PEMT: variants seen among roughly 807,000 people sequenced by gnomAD.
PEMT encodes phosphatidylethanolamine N-methyltransferase.
PEMT carries 23 observed loss-of-function variants against 27.4 expected under a neutral mutation model. The ratio of observed to expected loss-of-function variants is 0.84; its 90% confidence interval spans 0.60 to 1.19. PEMT has a LOEUF of 1.19. Ranked by LOEUF, PEMT falls within the 50% of genes most tolerant of loss-of-function variation. The pLI is 0.00. For missense variants in PEMT, 307 were observed against 310.1 expected (o/e 0.99, Z 0.07); for synonymous variants, 137 against 139.1 (o/e 0.98, Z 0.11).
chr17:17,527,950 C>G (rs1387655390), intron 2 of PEMT, among the ~76,000 whole-genome samples: 1 of 152,246 alleles, frequency 6.6e-6, no homozygotes, highest in Non-Finnish European at 1.5e-5. Flanking sequence ...TAGGTCCCAT[C>G]TGGATTCCAC....
At chr17:17,559,225 G>A (rs1348349752) in intron 2 of PEMT, among the ~76,000 whole-genome samples, 2 of 152,200 alleles carry the variant, frequency 1.3e-5, no homozygotes, top group Non-Finnish European at 2.9e-5. Flanking sequence ...TAGGACTTCA[G>A]AAAAGGGGAC....
chr17:17,509,374 C>CACCA, intron 5 of PEMT, 60 bp downstream of exon 5: 1 of 1,153,536 alleles, frequency 8.7e-7, no homozygotes, highest in Admixed American at 1.9e-5. Context: ...TCCTGAGCTG[C>CACCA]ACCAGCTCCT....
chr17:17,564,144 C>T (rs572120750), intron 2 of PEMT, among the ~76,000 whole-genome samples: 211 of 152,308 alleles, frequency 1.4e-3, no homozygotes, highest in African/African-American at 4.8e-3. Context: ...GAGCCACAGA[C>T]GCCACCGGAA....
chr17:17,546,954 T>C (rs1454804656), intron 2 of PEMT, among the ~76,000 whole-genome samples: 1 of 152,218 alleles, frequency 6.6e-6, no homozygotes, highest in African/African-American at 2.4e-5. Context: ...CACTGGTGAC[T>C]GCAGGATGAA....
intron 6 of PEMT, among the ~76,000 whole-genome samples, 158 bp downstream of exon 6, chr17:17,506,069 T>C (rs1163770712): frequency 6.6e-6 from 1 of 152,098 alleles, no homozygotes. Context: ...GCAGGCCGCA[T>C]TGTAAGCTAC....
intron 2 of PEMT, among the ~76,000 whole-genome samples, chr17:17,541,628 G>T (rs1473615181): frequency 1.3e-5 from 2 of 152,274 alleles, no homozygotes. Flanking sequence ...GCCTAAAGCA[G>T]CGGTGAGCAC....
At chr17:17,510,908 C>T (rs993725466) in intron 4 of PEMT, among the ~76,000 whole-genome samples, 9 of 152,160 alleles carry the variant, frequency 5.9e-5, no homozygotes, top group Non-Finnish European at 1.3e-4. Flanking sequence ...GACCTGATTG[C>T]ACAGCCCGGA....
chr17:17,560,460 T>C (rs1177306344), intron 2 of PEMT, among the ~76,000 whole-genome samples: 1 of 152,068 alleles, frequency 6.6e-6, no homozygotes, highest in African/African-American at 2.4e-5. Context: ...GAGACAGAGG[T>C]ACCTATCCAG....
At position 17,512,915 on chromosome 17, in the gene PEMT, CT is replaced by C. The variant is rs1418683871; in HGVS notation, c.321-262del. The stretch of plus-strand genomic sequence containing the variant: ...AATCCTGACTCGTATGTGAAATATC[CT>C]AATTTTTAGAAATAGACAATTCATG... On this transcript the variant is annotated intron_variant, in intron 3 of 6. Coordinates refer to ENST00000255389, the MANE Select transcript of PEMT (RefSeq NM_148172.3). This position sits in a 1 kb window ranked among gnomAD's most constrained non-coding sequence, Gnocchi z 6.3. Among the ~76,000 whole-genome samples the C allele has an allele frequency of 1.3e-5, 2 of 152,184 alleles. No homozygotes were observed. The highest frequency in any genetic ancestry group is 2.9e-5 in the Non-Finnish European group (2 of 68,040).
At position 17,505,839 on chromosome 17, in the gene PEMT, G is replaced by A. The variant is rs560374658; in HGVS notation, c.663C>T (p.Thr221=). 5.8e-5 allele frequency: 93 copies of A among 1,610,500 alleles called. No homozygotes were observed. The highest frequency in any genetic ancestry group is 1.0e-4 in the Admixed American group (6 of 59,568). Residue 221 remains threonine (T), a synonymous_variant, in exon 7 of 7, where the codon ACC becomes ACT. Transcript: ENST00000255389. The part of the protein sequence containing the change: ...IVALLYEEPF[T]AEIYRQKASG... ...AGGCTTTCTGCCGGTAGATCTCAGC[G>A]GTGAAGGGCCTGCCGGGCAGCGGGG...
rs1597936445 is a variant in PEMT at position 17,561,481 on chromosome 17, G to A, written c.204+15439C>T. 6.6e-6 allele frequency among the ~76,000 whole-genome samples: 1 copy of A among 152,176 alleles called. No homozygotes were observed. The highest frequency in any genetic ancestry group is 6.5e-5 in the Admixed American group (1 of 15,290). On this transcript the variant is annotated intron_variant, in intron 2 of 6. Coordinates refer to ENST00000255389, the MANE Select transcript of PEMT (RefSeq NM_148172.3). The surrounding 1 kb of genome is among the most constrained non-coding windows in gnomAD (Gnocchi z 4.5). ...GAGCAGTTCCACAACAGATGCCCTGGGGTGGCTGCCCGAGGGGGAAGCGGA... is the reference window on the plus strand; with the variant it reads ...GAGCAGTTCCACAACAGATGCCCTGAGGTGGCTGCCCGAGGGGGAAGCGGA...
intron 3 of PEMT, among the ~76,000 whole-genome samples, chr17:17,517,657 C>T (rs1906940862): frequency 6.6e-6 from 1 of 152,258 alleles, no homozygotes; most frequent in Admixed American, 6.5e-5. Context: ...TTTTTGAAAA[C>T]AGACTTCCCT....
At chr17:17,536,971 G>A (rs1212825889) in intron 2 of PEMT, among the ~76,000 whole-genome samples, 1 of 152,234 alleles carries the variant, frequency 6.6e-6, no homozygotes, top group African/African-American at 2.4e-5. Flanking sequence ...CAGGGAGTGC[G>A]GGGTCTCCCT....
chr17:17,546,849 G>A (rs995828124), intron 2 of PEMT, among the ~76,000 whole-genome samples: 3 of 152,262 alleles, frequency 2.0e-5, no homozygotes, highest in Non-Finnish European at 2.9e-5. Flanking sequence ...CTTCACAGCT[G>A]CAGTCAAAGC....
chr17:17,587,359 T>A (rs1031068776), intron 1 of PEMT, among the ~76,000 whole-genome samples: 1 of 152,176 alleles, frequency 6.6e-6, no homozygotes, highest in African/African-American at 2.4e-5. Context: ...AAGACACAAC[T>A]GTCAAAATTC....
At chr17:17,581,196 G>T (rs1911955480) in intron 1 of PEMT, among the ~76,000 whole-genome samples, 1 of 152,182 alleles carries the variant, frequency 6.6e-6, no homozygotes, top group South Asian at 2.1e-4. Flanking sequence ...GGCCCTGGGG[G>T]AAATGCTGCC....
intron 2 of PEMT, among the ~76,000 whole-genome samples, chr17:17,537,854 C>T (rs746086194): frequency 4.9e-4 from 75 of 152,178 alleles, no homozygotes; most frequent in Non-Finnish European, 9.0e-4. Flanking sequence ...CTTTCCTTCC[C>T]GCCACTCAGC....
At chr17:17,531,690 A>G (rs1908111685) in intron 2 of PEMT, among the ~76,000 whole-genome samples, 1 of 150,964 alleles carries the variant, frequency 6.6e-6, no homozygotes, top group Non-Finnish European at 1.5e-5. Flanking sequence ...AATGAATTCA[A>G]GATGGACTAT....
chr17:17,557,287 C>T (rs1451424483), intron 2 of PEMT, among the ~76,000 whole-genome samples: 1 of 152,222 alleles, frequency 6.6e-6, no homozygotes, highest in East Asian at 1.9e-4. Flanking sequence ...CTACATAGAG[C>T]CGACACCTCT....
Sources: gnomAD v4.1 joint callset for allele counts (sites outside exome capture counted in the v4.1 genomes callset) on GRCh38, gnomAD v4.1.1 for gene constraint, Gnocchi (gnomAD v3.1) non-coding constraint, MANE v1.5 for transcripts, NCBI Gene and HGNC (gene_info 2026-07-23, HGNC 2026-07-21) for gene names.